Variants in NEMP2 observed in about 807,000 individuals in gnomAD.
NEMP2 encodes the protein UPF0571 transmembrane protein.
NEMP2 carries 53 observed loss-of-function variants against 54.2 expected under a neutral mutation model. That is an observed-to-expected ratio of 0.98 (90% confidence interval 0.78 to 1.23). The LOEUF (loss-of-function observed/expected upper bound fraction) is 1.23. Among genes scored for constraint, NEMP2 ranks in the 50% most tolerant of loss-of-function variants. The pLI is 0.00. For synonymous variants in NEMP2, 197 were observed against 190.3 expected, an observed-to-expected ratio of 1.04 and a Z score of -0.29; for missense variants, 455 against 511.3, an observed-to-expected ratio of 0.89 and a Z score of 1.06.
the NEMP2 span, among the ~76,000 whole-genome samples, chr2:190,499,143 G>A: frequency 3.7e-4 from 56 of 152,180 alleles, no homozygotes; most frequent in Admixed American, 1.7e-3. This position sits in a 1 kb window ranked among gnomAD's most constrained non-coding sequence, Gnocchi z 6.0. Flanking sequence ...GTGAGACTCC[G>A]TCTCAAAATT....
chr2:190,508,208 C>T lies in NEMP2; in HGVS notation c.*981G>A, dbSNP rs1690241106. ...AAAAAAGTAATCATAGTATCTAATC[C>T]TTACGTATGTATATAAAAATCTTAC... On this transcript the variant is annotated 3_prime_UTR_variant, in exon 9 of 9. Coordinates refer to ENST00000409150, the MANE Select transcript of NEMP2 (RefSeq NM_001142645.2). This position sits in a 1 kb window ranked among gnomAD's most constrained non-coding sequence, Gnocchi z 4.3. The T allele has an allele frequency of 6.6e-6, 1 of 152,200 alleles. No individual in the cohort carries two copies. Among genetic ancestry groups the T allele is most frequent in the African/African-American group, 2.4e-5 (1 of 41,448 alleles). The allele number at this position is 152,200 out of a possible 1,614,324, so 9.4% of individuals were successfully genotyped here. A position where few individuals can be genotyped will look rare whatever the true frequency, so the allele number is the denominator to read the frequency against.
chr2:190,603,721 C>T, the NEMP2 span, among the ~76,000 whole-genome samples: 2 of 151,580 alleles, frequency 1.3e-5, no homozygotes, highest in Non-Finnish European at 2.9e-5. Flanking sequence ...AAGTCAACAA[C>T]AATTATAACA....
chr2:190,550,564 G>C, the NEMP2 span, among the ~76,000 whole-genome samples: 1 of 152,134 alleles, frequency 6.6e-6, no homozygotes, highest in Non-Finnish European at 1.5e-5. The surrounding 1 kb of genome is among the most constrained non-coding windows in gnomAD (Gnocchi z 4.7). Context: ...AACAGGATCA[G>C]AATAATAATA....
the NEMP2 span, among the ~76,000 whole-genome samples, chr2:190,461,141 G>A: frequency 6.6e-6 from 1 of 152,224 alleles, no homozygotes; most frequent in Non-Finnish European, 1.5e-5. This position sits in a 1 kb window ranked among gnomAD's most constrained non-coding sequence, Gnocchi z 5.5. Context: ...TAGCTAGAAT[G>A]TTGTATGGTT....
chr2:190,510,611 G>C lies in NEMP2; in HGVS notation c.954-74C>G. 6.8e-7 allele frequency: 1 copy of C among 1,481,440 alleles called. No homozygotes were observed. The highest frequency in any genetic ancestry group is 2.0e-5 in the Admixed American group (1 of 50,352). The allele number at this position is 1,481,440 out of a possible 1,614,324, so 91.8% of individuals were successfully genotyped here. ...AGATTTACAAAAATAGGCCAGGCTC[G>C]GTGGCTCACGCCTGTAATCCAGCAT... On this transcript the variant is annotated intron_variant, in intron 7 of 8. Transcript: ENST00000409150. This position sits in a 1 kb window ranked among gnomAD's most constrained non-coding sequence, Gnocchi z 5.7.
rs147369551 is a variant in NEMP2, at chr2:190,509,822, G to C, written c.1131-510C>G. On this transcript the variant is annotated intron_variant, in intron 8 of 8. Transcript: ENST00000409150. This position sits in a 1 kb window ranked among gnomAD's most constrained non-coding sequence, Gnocchi z 6.1. The stretch of plus-strand genomic sequence containing the variant: ...TGGGAGGCCAAGGCAGGCAGATCAC[G>C]AGGTCAGGAGTTAGAGACCAGCCTG... 7.7e-3 allele frequency among the ~76,000 whole-genome samples: 1,171 copies of C among 152,298 alleles called. 17 individuals carry two copies. The highest frequency in any genetic ancestry group is 8.2e-3 in the Non-Finnish European group (556 of 68,034).
chr2:190,635,164 A>G, the NEMP2 span, among the ~76,000 whole-genome samples: 1 of 152,228 alleles, frequency 6.6e-6, no homozygotes, highest in East Asian at 1.9e-4. The surrounding 1 kb of genome is among the most constrained non-coding windows in gnomAD (Gnocchi z 4.1). Context: ...CCCACACAAC[A>G]ATAGCATTTG....
the NEMP2 span, among the ~76,000 whole-genome samples, chr2:190,448,383 T>C: frequency 6.6e-6 from 1 of 152,200 alleles, no homozygotes; most frequent in African/African-American, 2.4e-5. Flanking sequence ...CTTGTGGCTT[T>C]CTTACAGTGA....
chr2:190,478,917 T>C, the NEMP2 span, among the ~76,000 whole-genome samples: 1 of 152,068 alleles, frequency 6.6e-6, no homozygotes, highest in Non-Finnish European at 1.5e-5. Context: ...TAGTACTGTC[T>C]AGTACTATCT....
intron 2 of NEMP2, among the ~76,000 whole-genome samples, chr2:190,524,536 C>G (rs538630182): frequency 3.9e-5 from 6 of 152,290 alleles, no homozygotes; most frequent in South Asian, 2.1e-4. Context: ...CACCCTTCCC[C>G]CCAGTACCTT....
At chr2:190,566,640 G>A in the NEMP2 span, among the ~76,000 whole-genome samples, 1 of 149,700 alleles carries the variant, frequency 6.7e-6, no homozygotes, top group Admixed American at 6.7e-5. Context: ...GGAAGGGAAG[G>A]GAGGGGAGGG....
chr2:190,573,207 C>A, the NEMP2 span, among the ~76,000 whole-genome samples: 2 of 152,110 alleles, frequency 1.3e-5, no homozygotes, highest in East Asian at 1.9e-4. Context: ...TACTTACTCT[C>A]CCTATGCCTC....
rs1406235622 is a variant in NEMP2, at chr2:190,523,616, AT to A, written c.213+1646del. On this transcript the variant is annotated intron_variant, in intron 2 of 8. Coordinates refer to ENST00000409150, the MANE Select transcript of NEMP2 (RefSeq NM_001142645.2). The surrounding 1 kb of genome is among the most constrained non-coding windows in gnomAD (Gnocchi z 5.3). ...ATGTTGACTGTTCCTTGGAAAAAAA[AT>A]GTTATGATTCCAGAGCTAAGTCTAT... Among the ~76,000 whole-genome samples, 4 of 74,740 alleles carry A rather than the reference AT, an allele frequency of 5.4e-5. No homozygotes were observed. The highest frequency in any genetic ancestry group is 1.0e-4 in the African/African-American group (3 of 28,760). The allele number at this position is 74,740 out of a possible 152,430, so 49.0% of individuals were successfully genotyped here. A position where few individuals can be genotyped will look rare whatever the true frequency, so the allele number is the denominator to read the frequency against.
At chr2:190,603,785 A>G in the NEMP2 span, among the ~76,000 whole-genome samples, 1 of 151,880 alleles carries the variant, frequency 6.6e-6, no homozygotes, top group Admixed American at 6.6e-5. Context: ...GCTTTGTACA[A>G]CAAAAATCTT....
upstream of NEMP2, among the ~76,000 whole-genome samples, chr2:190,538,274 T>C (rs1240659782): frequency 6.6e-6 from 1 of 152,214 alleles, no homozygotes; most frequent in Non-Finnish European, 1.5e-5. This position sits in a 1 kb window ranked among gnomAD's most constrained non-coding sequence, Gnocchi z 4.1. Flanking sequence ...TGACCTCCAG[T>C]TCCATCCATG....
chr2:190,471,715 T>C, the NEMP2 span, among the ~76,000 whole-genome samples: 1 of 152,202 alleles, frequency 6.6e-6, no homozygotes, highest in Non-Finnish European at 1.5e-5. The surrounding 1 kb of genome is among the most constrained non-coding windows in gnomAD (Gnocchi z 4.7). Flanking sequence ...CAGACTTAAA[T>C]GTCCCTGTCT....
chr2:190,569,178 C>G, the NEMP2 span, among the ~76,000 whole-genome samples: 8 of 152,110 alleles, frequency 5.3e-5, no homozygotes, highest in Non-Finnish European at 1.2e-4. Flanking sequence ...TTTTAAAGCT[C>G]TGTGCATTTA....
At chr2:190,474,965 T>C in the NEMP2 span, among the ~76,000 whole-genome samples, 12 of 151,836 alleles carry the variant, frequency 7.9e-5, no homozygotes, top group African/African-American at 2.9e-4. Flanking sequence ...AAGACAAAAA[T>C]CACATGATTA....
At chr2:190,463,973 A>C in the NEMP2 span, 1 of 817,766 alleles carries the variant, frequency 1.2e-6, no homozygotes, top group Non-Finnish European at 1.5e-6. The surrounding 1 kb of genome is among the most constrained non-coding windows in gnomAD (Gnocchi z 4.4). Context: ...TGGTGTCAAC[A>C]ACCAGCTCTT....
Sources: gnomAD v4.1 joint callset for allele counts (sites outside exome capture counted in the v4.1 genomes callset) on GRCh38, gnomAD v4.1.1 for gene constraint, Gnocchi (gnomAD v3.1) non-coding constraint, MANE v1.5 for transcripts, NCBI Gene and HGNC (gene_info 2026-07-23, HGNC 2026-07-21) for gene names.